Variants in SRL observed in about 807,000 individuals in gnomAD.
SRL encodes the protein sarcalumenin.
SRL carries 23 observed loss-of-function variants against 39.5 expected under a neutral mutation model. That is an observed-to-expected ratio of 0.58 (90% CI 0.42 to 0.82). SRL has a LOEUF of 0.82. Ranked by LOEUF, SRL falls within the 40% of genes least tolerant of loss-of-function variation. The probability of loss-of-function intolerance (pLI) is 0.00; values close to 1 mark genes in which losing one functional copy is unlikely to be tolerated. For synonymous variants in SRL, 272 were observed against 237.4 expected (o/e 1.15, Z -1.34); for missense variants, 592 against 607.8 (o/e 0.97, Z 0.27).
chr16:4,192,090 A>G lies in SRL; in HGVS notation c.*63T>C. The G allele has an allele frequency of 1.4e-6, 2 of 1,479,564 alleles. No homozygotes were observed. The highest frequency in any genetic ancestry group is 2.0e-4 in the Middle Eastern group (1 of 5,050). 91.7% of individuals were successfully genotyped at this position (1,479,564 alleles called of 1,614,324 possible). ...TGGCTCAAAGGGTTAATAAACCAGG[A>G]CCTCTCAGACAGTTAGGACACAAGC... On this transcript the variant is annotated 3_prime_UTR_variant, in exon 6 of 6. Coordinates refer to ENST00000399609, the MANE Select transcript of SRL (RefSeq NM_001098814.2). This position sits in a 1 kb window ranked among gnomAD's most constrained non-coding sequence, Gnocchi z 4.0.
intron 1 of SRL, chr16:4,239,861 G>A (rs1317265991): frequency 6.6e-6 from 1 of 152,336 alleles, no homozygotes; most frequent in Non-Finnish European, 1.5e-5. Flanking sequence ...ACAGCCCCAA[G>A]CCAGGACTCC....
At chr16:4,241,985 G>A (rs2052777831) in intron 1 of SRL, 22 bp downstream of exon 1, 4 of 1,613,496 alleles carry the variant, frequency 2.5e-6, no homozygotes, top group Non-Finnish European at 2.5e-6. Flanking sequence ...TCTGGGCTGG[G>A]TCATGCTGGG....
In SRL at chr16:4,192,808, T is replaced by C; in HGVS notation, c.767A>G (p.Lys256Arg). ...RESQIRIILNKADNLATQMLM... is the reference protein window; with the variant it reads ...RESQIRIILNRADNLATQMLM... The stretch of plus-strand genomic sequence containing the variant: ...CATTTGGGTGGCCAGATTGTCAGCC[T>C]TGTTCAGGATGATCCTTATCTGGGA... The change falls in exon 6 of 6, where the codon AAG (lysine) becomes AGG (arginine). Residue 256 changes from lysine (K) to arginine (R), a missense_variant. Transcript: ENST00000399609. The surrounding 1 kb of genome is among the most constrained non-coding windows in gnomAD (Gnocchi z 4.0). The C allele has an allele frequency of 6.2e-7, 1 of 1,614,218 alleles. No homozygotes were observed. Among genetic ancestry groups the C allele is most frequent in the Non-Finnish European group, 8.5e-7 (1 of 1,180,044 alleles).
intron 1 of SRL, among the ~76,000 whole-genome samples, chr16:4,217,546 C>A (rs1270561504): frequency 2.0e-5 from 3 of 152,160 alleles, no homozygotes; most frequent in Non-Finnish European, 4.4e-5. Context: ...GCCACTGGCC[C>A]CTCCCCTGCT....
chr16:4,192,933 G>T lies in SRL; in HGVS notation c.642C>A (p.Phe214Leu). 6.2e-7 allele frequency: 1 copy of T among 1,613,212 alleles called. No individual in the cohort carries two copies. Among genetic ancestry groups the T allele is most frequent in the South Asian group, 1.1e-5 (1 of 91,062 alleles). ...GYPFNDVCQW[F>L]IDRADLIFVV... ...CAAAGATGAGGTCAGCTCTGTCGAT[G>T]AACCACTGGCACACGTCGTTGAAGG... Residue 214 changes from phenylalanine to leucine, a missense_variant, in exon 6 of 6, where the codon TTC becomes TTA. Physicochemically the swap from Phe to Leu is conservative, Grantham distance 22. Transcript: ENST00000399609. The surrounding 1 kb of genome is among the most constrained non-coding windows in gnomAD (Gnocchi z 4.0).
chr16:4,229,565 T>C (rs1337663631), intron 1 of SRL, among the ~76,000 whole-genome samples: 1 of 151,640 alleles, frequency 6.6e-6, no homozygotes, highest in Admixed American at 6.6e-5. Context: ...CACTTATAAG[T>C]GGGAGCTAAG....
chr16:4,220,255 T>A (rs2052507321), intron 1 of SRL, among the ~76,000 whole-genome samples: 1 of 133,498 alleles, frequency 7.5e-6, no homozygotes, highest in East Asian at 2.1e-4. Context: ...CTGGCCAACA[T>A]AGCGAAAATC....
At chr16:4,198,870 T>C (rs1012954218) in intron 3 of SRL, among the ~76,000 whole-genome samples, 4 of 152,196 alleles carry the variant, frequency 2.6e-5, no homozygotes, top group African/African-American at 9.6e-5. Context: ...AAGGCCATGT[T>C]GGGGAGATGA....
At chr16:4,217,355 A>G (rs770080421) in intron 1 of SRL, among the ~76,000 whole-genome samples, 2 of 152,052 alleles carry the variant, frequency 1.3e-5, no homozygotes, top group Non-Finnish European at 2.9e-5. Context: ...CAGCCTTCCT[A>G]CTTGTCACAC....
chr16:4,217,571 G>GC (rs1245315172), intron 1 of SRL, among the ~76,000 whole-genome samples: 1 of 151,926 alleles, frequency 6.6e-6, no homozygotes, highest in Non-Finnish European at 1.5e-5. Context: ...TACCACTGGC[G>GC]CCCCCACCCC....
At chr16:4,206,383 G>A (rs527554260) in intron 1 of SRL, among the ~76,000 whole-genome samples, 188 of 152,064 alleles carry the variant, frequency 1.2e-3, no homozygotes, top group Non-Finnish European at 1.9e-3. Flanking sequence ...TTCCCTGCAC[G>A]TCCCTCCACC....
intron 1 of SRL, among the ~76,000 whole-genome samples, chr16:4,206,436 C>T (rs2052319392): frequency 6.6e-6 from 1 of 152,218 alleles, no homozygotes; most frequent in Non-Finnish European, 1.5e-5. Flanking sequence ...CTCGCTGCTC[C>T]TTTAGGCTGA....
At chr16:4,225,508 C>G (rs539158500) in intron 1 of SRL, among the ~76,000 whole-genome samples, 4 of 152,226 alleles carry the variant, frequency 2.6e-5, no homozygotes, top group African/African-American at 9.6e-5. Flanking sequence ...CGCCTGAGCC[C>G]GGGAGTTTGA....
intron 5 of SRL, among the ~76,000 whole-genome samples, chr16:4,193,649 T>A (rs1343792011): frequency 1.3e-5 from 2 of 152,172 alleles, no homozygotes; most frequent in African/African-American, 4.8e-5. Context: ...ATATAAAGAT[T>A]ACCATGTTGC....
chr16:4,220,484 G>A (rs1216818552), intron 1 of SRL, among the ~76,000 whole-genome samples: 6 of 151,994 alleles, frequency 3.9e-5, no homozygotes, highest in Non-Finnish European at 7.4e-5. Context: ...TCTTCCCTGG[G>A]AGCAGCCTTG....
chr16:4,219,073 G>A (rs2141053130), intron 1 of SRL, among the ~76,000 whole-genome samples: 1 of 152,354 alleles, frequency 6.6e-6, no homozygotes, highest in Middle Eastern at 3.4e-3. Context: ...TGCATTCAAG[G>A]CTCTAGAATC....
At chr16:4,224,171 A>C (rs1039615066) in intron 1 of SRL, among the ~76,000 whole-genome samples, 10 of 152,132 alleles carry the variant, frequency 6.6e-5, no homozygotes, top group Non-Finnish European at 1.3e-4. Flanking sequence ...TAGAAAGATC[A>C]GTGTTAGGAG....
intron 1 of SRL, among the ~76,000 whole-genome samples, chr16:4,227,302 C>T (rs562208357): frequency 1.6e-4 from 22 of 139,716 alleles, no homozygotes; most frequent in East Asian, 8.9e-4. Flanking sequence ...GGATGGATGA[C>T]GGATGGATGG....
At chr16:4,228,557 A>T (rs1210517214) in intron 1 of SRL, among the ~76,000 whole-genome samples, 1 of 151,900 alleles carries the variant, frequency 6.6e-6, no homozygotes, top group Non-Finnish European at 1.5e-5. Context: ...AACACGGTGA[A>T]ACCCCGTCTC....
Sources: gnomAD v4.1 joint callset for allele counts (sites outside exome capture counted in the v4.1 genomes callset) on GRCh38, gnomAD v4.1.1 for gene constraint, Gnocchi (gnomAD v3.1) non-coding constraint, MANE v1.5 for transcripts, NCBI Gene and HGNC (gene_info 2026-07-23, HGNC 2026-07-21) for gene names.